The following ERBIN variants were observed in gnomAD, a reference collection of about 807,000 sequenced individuals.
ERBIN encodes densin-180-like protein.
Under a neutral mutation model 158.4 loss-of-function variants are expected in ERBIN, and 60 were observed. The ratio of observed to expected loss-of-function variants is 0.38; its 90% CI spans 0.31 to 0.47. The LOEUF (loss-of-function observed/expected upper bound fraction) is 0.47, where lower values mean the gene tolerates loss of function less well. ERBIN is among the 20% of genes least tolerant of loss of function. The pLI is 0.99. For synonymous variants in ERBIN, 594 were observed against 557.2 expected (o/e 1.07, Z -0.93); for missense variants, 1,610 against 1,648.0 (o/e 0.98, Z 0.40).
chr5:65,992,977 A>G, intron 3 of ERBIN, 70 bp downstream of exon 3: 3 of 1,211,266 alleles, frequency 2.5e-6, no homozygotes, highest in Non-Finnish European at 3.3e-6. Context: ...TATTCCTAAT[A>G]TTGCTATAAA....
At chr5:66,034,947 G>T (rs576996444) in intron 14 of ERBIN, among the ~76,000 whole-genome samples, 2 of 152,286 alleles carry the variant, frequency 1.3e-5, no homozygotes, top group Admixed American at 1.3e-4. Flanking sequence ...ATGGTGGGAA[G>T]AATGTCAAAA....
intron 1 of ERBIN, among the ~76,000 whole-genome samples, chr5:65,966,922 G>T (rs1309935343): frequency 1.3e-5 from 2 of 151,822 alleles, no homozygotes; most frequent in Non-Finnish European, 2.9e-5. Context: ...TAACCAAAAA[G>T]TTTAAAAAGT....
At chr5:66,066,760 C>T (rs1761043988) in intron 21 of ERBIN, among the ~76,000 whole-genome samples, 3 of 152,278 alleles carry the variant, frequency 2.0e-5, no homozygotes, top group South Asian at 4.1e-4. Context: ...TACGTTCACT[C>T]GTTATTATAC....
chr5:66,039,099 A>G (rs1263589783), intron 15 of ERBIN, among the ~76,000 whole-genome samples: 1 of 151,818 alleles, frequency 6.6e-6, no homozygotes, highest in Non-Finnish European at 1.5e-5. Flanking sequence ...TTCTGACACC[A>G]GTGAAAATCT....
chr5:66,020,907 T>G (rs144713551), intron 7 of ERBIN, among the ~76,000 whole-genome samples: 2 of 152,134 alleles, frequency 1.3e-5, no homozygotes, highest in Admixed American at 1.3e-4. Flanking sequence ...ACAGTTATCT[T>G]AAAGTCTTAC....
intron 1 of ERBIN, among the ~76,000 whole-genome samples, chr5:65,977,515 G>C: frequency 6.6e-6 from 1 of 151,640 alleles, no homozygotes; most frequent in East Asian, 2.0e-4. Context: ...TCACATCCCG[G>C]ACGGGGCGGC....
chr5:66,058,192 A>C (rs1759829827), intron 21 of ERBIN, among the ~76,000 whole-genome samples: 1 of 151,612 alleles, frequency 6.6e-6, no homozygotes, highest in Non-Finnish European at 1.5e-5. Flanking sequence ...CCTCTCCAGC[A>C]CCTGTTGTTT....
intron 21 of ERBIN, among the ~76,000 whole-genome samples, chr5:66,058,105 G>A (rs1759818922): frequency 1.3e-5 from 2 of 151,958 alleles, no homozygotes; most frequent in African/African-American, 2.4e-5. Context: ...CTGAGGAATC[G>A]CCACACTGAC....
chr5:66,015,718 T>A (rs1754644357), intron 7 of ERBIN, among the ~76,000 whole-genome samples: 1 of 152,062 alleles, frequency 6.6e-6, no homozygotes, highest in Non-Finnish European at 1.5e-5. Context: ...GTAACTATAG[T>A]CCCAGCTACT....
intron 14 of ERBIN, among the ~76,000 whole-genome samples, chr5:66,029,542 AC>A (rs1208309052): frequency 2.0e-5 from 3 of 151,418 alleles, no homozygotes; most frequent in Non-Finnish European, 4.4e-5. Flanking sequence ...TTAACTGGGT[AC>A]CCTTTTCTGT....
intron 16 of ERBIN, 53 bp from the exon 17 acceptor site, chr5:66,044,084 G>A: frequency 1.5e-6 from 2 of 1,341,650 alleles, no homozygotes; most frequent in East Asian, 2.5e-5. Context: ...TTTTGTTTGA[G>A]ATTGACATTA....
rs943980607 is a variant in ERBIN, at chr5:65,926,644, AC to A, written c.-215del. On this transcript the variant is annotated 5_prime_UTR_variant, in exon 1 of 26. Coordinates refer to ENST00000284037, the MANE Select transcript of ERBIN (RefSeq NM_001253697.2). ...GACCAGGAAGCCAGCCCGCACCCCA[AC>A]CCCCACCAAAGCCACCTACTCTTCT... 6 of 150,360 alleles carry A rather than the reference AC, an allele frequency of 4.0e-5. No individual in the cohort carries two copies. The highest frequency in any genetic ancestry group is 1.5e-4 in the African/African-American group (6 of 40,910). 9.3% of individuals were successfully genotyped at this position (150,360 alleles called of 1,614,324 possible).
intron 14 of ERBIN, among the ~76,000 whole-genome samples, chr5:66,029,029 A>G (rs1756571852): frequency 6.6e-6 from 1 of 152,166 alleles, no homozygotes; most frequent in African/African-American, 2.4e-5. Context: ...GTATTTGTGT[A>G]CACACACTAC....
chr5:66,043,027 C>T (rs757490087), intron 15 of ERBIN, 50 bp from the exon 16 acceptor site: 1 of 1,375,714 alleles, frequency 7.3e-7, no homozygotes, highest in East Asian at 2.3e-5. Flanking sequence ...TGATAGTTTT[C>T]CATAATTACA....
intron 1 of ERBIN, among the ~76,000 whole-genome samples, chr5:65,940,345 G>A (rs1207640111): frequency 3.9e-4 from 58 of 148,574 alleles, no homozygotes; most frequent in African/African-American, 1.3e-3. Flanking sequence ...GAGCCCCTCC[G>A]CCCGGCAGCC....
chr5:65,932,006 CAG>C (rs1200947874), intron 1 of ERBIN, among the ~76,000 whole-genome samples: 3 of 151,700 alleles, frequency 2.0e-5, no homozygotes, highest in African/African-American at 2.4e-5. Flanking sequence ...TTTGTAGAGA[CAG>C]GGTTTCTCCA....
Position 66,033,589 on chromosome 5 carries a change from G to A in ERBIN, c.1207-4794G>A, listed in dbSNP as rs528220119. On this transcript the variant is annotated intron_variant, in intron 14 of 25. Coordinates refer to ENST00000284037, the MANE Select transcript of ERBIN (RefSeq NM_001253697.2). ...CCATTATATTTGGCAGCTAGCTAAA[G>A]TAATTATAGAGGTATATGGCAAAAC... is the stretch of plus-strand genomic sequence containing the variant. Among the ~76,000 whole-genome samples the A allele has an allele frequency of 2.0e-5, 3 of 152,294 alleles. No individual in the cohort carries two copies. The East Asian group carries it at 5.8e-4, about 29-fold the overall frequency.
chr5:66,068,731 C>A, intron 21 of ERBIN: 1 of 618,816 alleles, frequency 1.6e-6, no homozygotes, highest in Admixed American at 3.7e-5. Context: ...GTAAATGGTT[C>A]CAATTTCTTT....
At chr5:65,944,263 A>G (rs1231801680) in intron 1 of ERBIN, among the ~76,000 whole-genome samples, 1 of 141,646 alleles carries the variant, frequency 7.1e-6, no homozygotes, top group Non-Finnish European at 1.5e-5. Flanking sequence ...TGGCTCTACC[A>G]CTGTATATTT....
Sources: allele counts gnomAD v4.1 joint callset (sites outside exome capture counted in the v4.1 genomes callset), GRCh38; gene constraint gnomAD v4.1.1; transcripts MANE v1.5; gene names NCBI Gene and HGNC (gene_info 2026-07-23, HGNC 2026-07-21).